The following ANKRD26 variants were observed in gnomAD, a reference collection of about 807,000 sequenced individuals.
ANKRD26 encodes ankyrin repeat domain 26, also known as ankyrin repeat domain-containing protein 26.
In ANKRD26, 141 loss-of-function variants were observed where a neutral mutation model predicts 208.7. That is an observed-to-expected ratio of 0.68 (90% confidence interval 0.59 to 0.78). The LOEUF (loss-of-function observed/expected upper bound fraction) is 0.78, where lower values mean the gene tolerates loss of function less well. Among genes scored for constraint, ANKRD26 ranks in the 30% least tolerant of loss-of-function variants. The probability of loss-of-function intolerance (pLI) is 0.00; values close to 1 mark genes in which losing one functional copy is unlikely to be tolerated. For missense variants in ANKRD26, 1,889 were observed against 1,938.7 expected (o/e 0.97, Z 0.48); for synonymous variants, 636 against 660.4 (o/e 0.96, Z 0.57).
intron 6 of ANKRD26, chr10:27,081,058 A>G (rs11015508): frequency 0.1 from 56,659 of 552,670 alleles, 3,891 homozygotes; most frequent in East Asian, 0.28. Context: ...TAGTTATAGT[A>G]CATTCCTACT....
chr10:26,957,230 G>C, the ANKRD26 span, among the ~76,000 whole-genome samples: 2 of 152,062 alleles, frequency 1.3e-5, no homozygotes, highest in Non-Finnish European at 2.9e-5. Context: ...CAACATGGCT[G>C]TACAAAAATT....
chr10:27,071,094 T>C (rs34452993), intron 9 of ANKRD26, among the ~76,000 whole-genome samples: 14,117 of 151,556 alleles, frequency 0.093, 785 homozygotes, highest in East Asian at 0.28. Context: ...GTCCATTACA[T>C]ACAGATATTA....
At chr10:27,051,346 T>A (rs990610378) in intron 16 of ANKRD26, 8 of 1,260,206 alleles carry the variant, frequency 6.3e-6, no homozygotes, top group African/African-American at 1.6e-5. Flanking sequence ...TGCCTTTTTA[T>A]GTGAAACATA....
At position 27,033,387 on chromosome 10, in the gene ANKRD26, C is replaced by T; in HGVS notation, c.3655-10G>A. ...GTTGTCTCACAACAACCTGATAAGA[C>T]ATTTTGTTACTGATTTTATAAATCA... On this transcript the variant is annotated splice_polypyrimidine_tract_variant and intron_variant, in intron 24 of 33. Transcript: ENST00000376087. 6.2e-7 allele frequency: 1 copy of T among 1,606,220 alleles called. No individual in the cohort carries two copies. Among genetic ancestry groups the T allele is most frequent in the Non-Finnish European group, 8.5e-7 (1 of 1,175,600 alleles).
At chr10:27,068,024 A>G (rs753043593) in intron 9 of ANKRD26, among the ~76,000 whole-genome samples, 5 of 152,212 alleles carry the variant, frequency 3.3e-5, no homozygotes, top group Non-Finnish European at 5.9e-5. Flanking sequence ...GGCACAAAAG[A>G]GAACAGTAAG....
intron 9 of ANKRD26, chr10:27,077,031 A>G (rs2055723809): frequency 5.7e-6 from 2 of 347,972 alleles, no homozygotes; most frequent in Non-Finnish European, 1.1e-5. Flanking sequence ...CAAAGCCAGA[A>G]AAGGACATAA....
intron 3 of ANKRD26, among the ~76,000 whole-genome samples, chr10:26,985,337 A>G (rs1375475272): frequency 5.3e-5 from 8 of 152,286 alleles, no homozygotes; most frequent in African/African-American, 1.9e-4. Context: ...CTGGATTCCA[A>G]TGGGTCAGAT....
intron 18 of ANKRD26, 133 bp from the exon 19 acceptor site, chr10:27,044,323 C>A (rs2054366822): frequency 1.3e-6 from 1 of 776,992 alleles, no homozygotes; most frequent in Non-Finnish European, 1.8e-6. Flanking sequence ...TTACAGGAAT[C>A]TTTTTTACAG....
At chr10:26,951,606 T>A in the ANKRD26 span, among the ~76,000 whole-genome samples, 1 of 144,056 alleles carries the variant, frequency 6.9e-6, no homozygotes, top group Admixed American at 7.0e-5. Context: ...TAATGGATTG[T>A]TTGACTTTGT....
downstream of ANKRD26, among the ~76,000 whole-genome samples, chr10:26,971,513 A>C (rs1207536432): frequency 6.6e-6 from 1 of 151,838 alleles, no homozygotes; most frequent in Admixed American, 6.6e-5. Flanking sequence ...CATCTCGACT[A>C]AAAATACAAA....
intron 9 of ANKRD26, among the ~76,000 whole-genome samples, chr10:27,067,774 T>A (rs2055318451): frequency 6.6e-6 from 1 of 152,146 alleles, no homozygotes; most frequent in Admixed American, 6.5e-5. Context: ...ACACTGGGGA[T>A]TACATTTCAA....
intron 27 of ANKRD26, among the ~76,000 whole-genome samples, chr10:27,025,224 G>A (rs12242038): frequency 0.095 from 14,486 of 152,134 alleles, 2,227 homozygotes; most frequent in African/African-American, 0.33. Flanking sequence ...AAGCTGGAGT[G>A]TAATGGTGCA....
In ANKRD26 at chr10:27,048,902, A is replaced by G; in HGVS notation, c.1713T>C (p.Asp571=). ...SANIHDGATD[D]AEDDDDDDGL... is the part of the protein sequence containing the mutation. ...CATCATCATCATCATCATCTTCAGCATCATCAGTAGCACCATCATGTATGT... is the reference window on the plus strand; with the variant it reads ...CATCATCATCATCATCATCTTCAGCGTCATCAGTAGCACCATCATGTATGT... The change falls in exon 17 of 34, where the codon GAT becomes GAC. Residue 571 remains aspartate (D), a synonymous_variant. Coordinates refer to ENST00000376087, the MANE Select transcript of ANKRD26 (RefSeq NM_014915.3). The G allele has an allele frequency of 6.2e-7, 1 of 1,612,904 alleles. No homozygotes were observed. The highest frequency in any genetic ancestry group is 1.1e-5 in the South Asian group (1 of 90,978).
intron 30 of ANKRD26, 21 bp downstream of exon 30, chr10:27,017,481 G>A: frequency 6.2e-7 from 1 of 1,611,608 alleles, no homozygotes; most frequent in Non-Finnish European, 8.5e-7. Context: ...ATGAACAAAG[G>A]CACACTACAC....
intron 15 of ANKRD26, among the ~76,000 whole-genome samples, chr10:27,054,241 C>T (rs1319292445): frequency 2.6e-5 from 4 of 152,030 alleles, no homozygotes; most frequent in South Asian, 2.1e-4. Context: ...CTATTTTACT[C>T]GATAATTATT....
intron 23 of ANKRD26, among the ~76,000 whole-genome samples, 157 bp downstream of exon 23, chr10:27,037,029 A>G (rs1377009317): frequency 1.3e-5 from 2 of 152,152 alleles, no homozygotes; most frequent in Non-Finnish European, 2.9e-5. Flanking sequence ...ACTTTATCCA[A>G]TGGACCAAAA....
At chr10:27,042,370 A>C (rs2054270535) in intron 20 of ANKRD26, among the ~76,000 whole-genome samples, 1 of 152,168 alleles carries the variant, frequency 6.6e-6, no homozygotes, top group African/African-American at 2.4e-5. Context: ...AAATCCCAGC[A>C]CTCTGGGAGG....
the ANKRD26 span, among the ~76,000 whole-genome samples, chr10:26,948,914 G>A: frequency 6.6e-5 from 10 of 152,154 alleles, no homozygotes; most frequent in Non-Finnish European, 1.5e-4. Flanking sequence ...AGAATCGCTT[G>A]AACCCGGGAG....
chr10:27,035,041 A>G lies in ANKRD26; in HGVS notation c.3409T>C (p.Ser1137Pro), dbSNP rs1489918016. ...AACATATTCTCACTTTGTAGTTGAGACAATCTCTCCTCTACAGACTCCTGC... is the reference window on the plus strand; with the variant it reads ...AACATATTCTCACTTTGTAGTTGAGGCAATCTCTCCTCTACAGACTCCTGC... ...GKQESVEERL[S>P]QLQSENMLLR... The change falls in exon 24 of 34, where the codon TCT becomes CCT. Residue 1137 changes from serine (S) to proline (P), a missense_variant. Around this residue, in one of 3 missense-constraint regions of ANKRD26, gnomAD observed 613 missense variants for 648.2 expected, o/e 0.95. Coordinates refer to ENST00000376087, the MANE Select transcript of ANKRD26 (RefSeq NM_014915.3). 6.2e-7 allele frequency: 1 copy of G among 1,613,964 alleles called. No homozygotes were observed. The highest frequency in any genetic ancestry group is 1.1e-5 in the South Asian group (1 of 91,056).
Sources: gnomAD v4.1 joint callset for allele counts (sites outside exome capture counted in the v4.1 genomes callset) on GRCh38, gnomAD v4.1.1 for gene constraint, gnomAD v4.1.1 regional missense constraint, MANE v1.5 for transcripts, NCBI Gene and HGNC (gene_info 2026-07-23, HGNC 2026-07-21) for gene names.